ACBD5: variants seen among roughly 807,000 people sequenced by gnomAD.
The protein encoded by ACBD5 is acyl-CoA binding domain containing 5, also known as acyl-CoA-binding domain-containing protein 5.
ACBD5 carries 40 observed loss-of-function variants against 71.8 expected under a neutral mutation model. The ratio of observed to expected loss-of-function variants is 0.56; its 90% CI spans 0.43 to 0.72. The LOEUF is 0.72. ACBD5 is among the 30% of genes least tolerant of loss of function. The pLI is 0.00. For missense variants in ACBD5, 559 were observed against 644.5 expected, an observed-to-expected ratio of 0.87 and a Z score of 1.44; for synonymous variants, 229 against 218.6, an observed-to-expected ratio of 1.05 and a Z score of -0.42.
At chr10:27,232,693 T>G (rs1359786697) in intron 3 of ACBD5, among the ~76,000 whole-genome samples, 1 of 152,174 alleles carries the variant, frequency 6.6e-6, no homozygotes, top group African/African-American at 2.4e-5. Context: ...GAGCCTAACT[T>G]GTACATTTGA....
At chr10:27,204,095 A>G (rs1173022643) in intron 12 of ACBD5, among the ~76,000 whole-genome samples, 1 of 140,328 alleles carries the variant, frequency 7.1e-6, no homozygotes, top group Non-Finnish European at 1.5e-5. Flanking sequence ...GCCTGTGAAC[A>G]GCCACTGCCC....
chr10:27,232,308 G>GT (rs2063972059), intron 3 of ACBD5: 1 of 148,190 alleles, frequency 6.7e-6, no homozygotes, highest in African/African-American at 2.5e-5. Flanking sequence ...TAAAAGAGCT[G>GT]TAACACTCAG....
Position 27,223,446 on chromosome 10 carries a change from C to A in ACBD5, c.382G>T (p.Glu128Ter). Residue 128 changes from glutamate (E) to a stop codon, truncating the protein, a stop_gained, in exon 5 of 13, where the codon GAA becomes TAA. Coordinates refer to ENST00000396271, the MANE Select transcript of ACBD5 (RefSeq NM_145698.5). LOFTEE classifies it high-confidence loss of function. Reference protein sequence around the residue: ...AYVEEMKKIIETMPMTEKVEE... With the variant: ...AYVEEMKKII ...ACTTTCTCAGTCATTGGCATAGTTTCAATAATCTGTAATCAAAAGAAACAA... is the reference window on the plus strand; with the variant it reads ...ACTTTCTCAGTCATTGGCATAGTTTAAATAATCTGTAATCAAAAGAAACAA... 10 of 1,609,822 alleles carry A rather than the reference C, an allele frequency of 6.2e-6. No homozygotes were observed. The highest frequency in any genetic ancestry group is 8.5e-6 in the Non-Finnish European group (10 of 1,177,240).
intron 12 of ACBD5, among the ~76,000 whole-genome samples, chr10:27,202,088 C>T (rs2059985925): frequency 6.6e-6 from 1 of 152,158 alleles, no homozygotes; most frequent in African/African-American, 2.4e-5. Flanking sequence ...GACCTTTCTT[C>T]TCATCTCTAA....
intron 8 of ACBD5, among the ~76,000 whole-genome samples, 161 bp from the exon 9 acceptor site, chr10:27,211,242 T>G (rs908152521): frequency 2.6e-5 from 4 of 152,220 alleles, no homozygotes; most frequent in African/African-American, 4.8e-5. Flanking sequence ...CATATGCTGC[T>G]TCCTACCTGC....
At chr10:27,204,058 A>G (rs1439523531) in intron 12 of ACBD5, among the ~76,000 whole-genome samples, 1 of 150,168 alleles carries the variant, frequency 6.7e-6, no homozygotes, top group Non-Finnish European at 1.5e-5. Flanking sequence ...GAGCCAAGGA[A>G]TCTGAGGCTT....
chr10:27,185,791 A>AT (rs527929759), intron 13 of ACBD5, among the ~76,000 whole-genome samples: 2 of 150,562 alleles, frequency 1.3e-5, no homozygotes, highest in Non-Finnish European at 3.0e-5. Flanking sequence ...CATTTCAAAA[A>AT]AAAAAAAAGA....
At position 27,208,227 on chromosome 10, in the gene ACBD5, G is replaced by A; in HGVS notation, c.1404+19C>T. 6.2e-7 allele frequency: 1 copy of A among 1,612,438 alleles called. No homozygotes were observed. Among genetic ancestry groups the A allele is most frequent in the African/African-American group, 1.3e-5 (1 of 75,020 alleles). ...AGAATCAATAAGCACAAGAAGGTAT[G>A]ATACATTTGGAAGTTTACCTGCAAA... On this transcript the variant is annotated intron_variant, in intron 10 of 12. Transcript: ENST00000396271.
At chr10:27,190,181 A>ATTCCC (rs2059021449) in intron 13 of ACBD5, among the ~76,000 whole-genome samples, 1 of 152,152 alleles carries the variant, frequency 6.6e-6, no homozygotes, top group Admixed American at 6.5e-5. Flanking sequence ...GCTGCTCGGG[A>ATTCCC]GGCTGAAGCT....
intron 13 of ACBD5, among the ~76,000 whole-genome samples, chr10:27,190,066 C>T (rs1309993489): frequency 6.6e-6 from 1 of 152,116 alleles, no homozygotes; most frequent in African/African-American, 2.4e-5. Context: ...GAGTGGATCA[C>T]AGGAGGTCAG....
intron 4 of ACBD5, among the ~76,000 whole-genome samples, chr10:27,224,497 T>C (rs2062761611): frequency 6.6e-6 from 1 of 152,210 alleles, no homozygotes; most frequent in Admixed American, 6.5e-5. Context: ...GTAGTATTTC[T>C]AACAGGGCAC....
upstream of ACBD5, chr10:27,240,945 A>G (rs1052735132): frequency 3.0e-4 from 176 of 594,828 alleles, no homozygotes; most frequent in Non-Finnish European, 1.5e-4. The surrounding 1 kb of genome is among the most constrained non-coding windows in gnomAD (Gnocchi z 4.1). Context: ...TCCCCAGAGG[A>G]GGGTCCGGGA....
At chr10:27,191,638 C>T (rs1206845077), downstream of ACBD5, among the ~76,000 whole-genome samples, 8 of 152,200 alleles carry the variant, frequency 5.3e-5, no homozygotes, top group Non-Finnish European at 8.8e-5. Flanking sequence ...AAGCCTAACA[C>T]TTTGGGAGAT....
intron 12 of ACBD5, 30 bp downstream of exon 12, chr10:27,204,410 C>T (rs374080750): frequency 3.9e-6 from 6 of 1,522,998 alleles, no homozygotes; most frequent in Middle Eastern, 1.7e-4. Context: ...GAGAGTTATA[C>T]ACCATTTCAA....
upstream of ACBD5, among the ~76,000 whole-genome samples, chr10:27,241,858 GGAAGTGCCCCA>G (rs892198137): frequency 6.6e-6 from 1 of 152,126 alleles, no homozygotes; most frequent in African/African-American, 2.4e-5. Context: ...TAGGCATTTG[GGAAGTGCCCCA>G]GGCCGAACGT....
intron 13 of ACBD5, among the ~76,000 whole-genome samples, chr10:27,189,987 T>G (rs1208004855): frequency 7.8e-6 from 1 of 128,612 alleles, no homozygotes; most frequent in Non-Finnish European, 1.7e-5. Context: ...AAAAATAAAA[T>G]AATAATTGTT....
intron 9 of ACBD5, among the ~76,000 whole-genome samples, 197 bp downstream of exon 9, chr10:27,210,617 G>C (rs915960928): frequency 1.3e-5 from 2 of 152,132 alleles, no homozygotes; most frequent in African/African-American, 2.4e-5. Flanking sequence ...AATTAGCCAG[G>C]CATGGTGGTG....
At chr10:27,234,993 C>A in intron 3 of ACBD5, 99 bp downstream of exon 3, 1 of 1,285,898 alleles carries the variant, frequency 7.8e-7, no homozygotes, top group Non-Finnish European at 1.1e-6. Context: ...ACCTAGGACA[C>A]TTTCTGCACA....
chr10:27,207,604 T>C (rs1280697881), intron 10 of ACBD5, among the ~76,000 whole-genome samples: 1 of 152,232 alleles, frequency 6.6e-6, no homozygotes, highest in East Asian at 1.9e-4. Flanking sequence ...TTACTCTCTC[T>C]AACAAATGTT....
Sources: allele counts gnomAD v4.1 joint callset (sites outside exome capture counted in the v4.1 genomes callset), GRCh38; gene constraint gnomAD v4.1.1; non-coding constraint Gnocchi (gnomAD v3.1); transcripts MANE v1.5; gene names NCBI Gene and HGNC (gene_info 2026-07-23, HGNC 2026-07-21).